Variants in SARNP observed in about 807,000 individuals in gnomAD.
SARNP encodes the protein SAP domain-containing ribonucleoprotein.
A neutral mutation model predicts 38.1 loss-of-function variants in SARNP; 5 were observed. The ratio of observed to expected loss-of-function variants is 0.13; its 90% confidence interval spans 0.07 to 0.28. The LOEUF is 0.28. Ranked by LOEUF, SARNP falls within the 10% of genes least tolerant of loss-of-function variation. The pLI is 1.00. For synonymous variants in SARNP, 84 were observed against 80.6 expected (o/e 1.04, Z -0.23); for missense variants, 180 against 243.9 (o/e 0.74, Z 1.75).
Position 55,790,585 on chromosome 12 carries a change from T to A in SARNP, c.414A>T (p.Ser138=). The A allele has an allele frequency of 6.5e-7, 1 of 1,546,638 alleles. No homozygotes were observed. Among genetic ancestry groups the A allele is most frequent in the African/African-American group, 1.4e-5 (1 of 72,432 alleles). The change falls in exon 8 of 11, where the codon TCA becomes TCT. Residue 138 remains serine, a synonymous_variant. Transcript: ENST00000336133. ...GISSVPTKGL[S]SDNKPMVNLD... ...TTCTTACCATAGGTTTGTTATCAGA[T>A]GACAGACCTAAGGAAGTAAATAAAG...
chr12:55,767,873 G>GAT (rs1878889356), intron 9 of SARNP, among the ~76,000 whole-genome samples: 3 of 137,170 alleles, frequency 2.2e-5, no homozygotes, highest in African/African-American at 6.0e-5. Context: ...AAAAAAAAAG[G>GAT]ATATACACAC....
At chr12:55,809,237 C>A (rs1003568864) in intron 1 of SARNP, among the ~76,000 whole-genome samples, 1 of 150,012 alleles carries the variant, frequency 6.7e-6, no homozygotes, top group Non-Finnish European at 1.5e-5. Context: ...AACAAGTATA[C>A]TGAATGAATT....
chr12:55,780,378 T>C (rs1879306714), intron 9 of SARNP, among the ~76,000 whole-genome samples: 1 of 150,892 alleles, frequency 6.6e-6, no homozygotes, highest in Non-Finnish European at 1.5e-5. Flanking sequence ...TGCTTGAACC[T>C]GGGAGGCAGA....
intron 9 of SARNP, among the ~76,000 whole-genome samples, chr12:55,771,801 G>A (rs1427394496): frequency 6.6e-6 from 1 of 152,162 alleles, no homozygotes; most frequent in Non-Finnish European, 1.5e-5. Flanking sequence ...GGAAAAGAGG[G>A]AGCCTGAATC....
chr12:55,798,772 A>T (rs1353869857), intron 4 of SARNP, among the ~76,000 whole-genome samples: 2 of 152,212 alleles, frequency 1.3e-5, no homozygotes, highest in African/African-American at 4.8e-5. Context: ...ATAACTAGTA[A>T]ATCTGGGTGA....
intron 5 of SARNP, 67 bp downstream of exon 5, chr12:55,795,958 G>GAT: frequency 9.1e-7 from 1 of 1,104,376 alleles, no homozygotes; most frequent in East Asian, 2.4e-5. Flanking sequence ...GGATGATGCA[G>GAT]ATATAATAAA....
chr12:55,803,576 C>CA, intron 2 of SARNP, 53 bp downstream of exon 2: 1 of 1,092,240 alleles, frequency 9.2e-7, no homozygotes, highest in Non-Finnish European at 1.3e-6. Flanking sequence ...TTTTCAGTGT[C>CA]AAAGCCTGAA....
chr12:55,811,168 T>C (rs371191101), intron 1 of SARNP, among the ~76,000 whole-genome samples: 1 of 152,296 alleles, frequency 6.6e-6, no homozygotes, highest in South Asian at 2.1e-4. Flanking sequence ...TTAGACCACC[T>C]ATAACATATA....
chr12:55,794,447 C>A, intron 6 of SARNP, 60 bp from the exon 7 acceptor site: 1 of 1,469,578 alleles, frequency 6.8e-7, no homozygotes, highest in South Asian at 1.2e-5. Context: ...GTTTGTCTGT[C>A]TCCGTGTCAA....
intron 6 of SARNP, 84 bp downstream of exon 6, chr12:55,794,723 A>T: frequency 1.2e-6 from 1 of 850,256 alleles, no homozygotes; most frequent in East Asian, 2.5e-5. Flanking sequence ...ACTTAAAATC[A>T]ACAATTATAC....
At chr12:55,777,415 C>T (rs936234385) in intron 9 of SARNP, among the ~76,000 whole-genome samples, 9 of 151,446 alleles carry the variant, frequency 5.9e-5, no homozygotes, top group African/African-American at 1.9e-4. Flanking sequence ...CGCTCTGTCG[C>T]CCAGGCTGGA....
intron 9 of SARNP, among the ~76,000 whole-genome samples, chr12:55,779,027 TAAAC>T (rs1436551844): frequency 3.9e-5 from 6 of 151,966 alleles, no homozygotes; most frequent in African/African-American, 7.3e-5. Context: ...CACAAAAAAC[TAAAC>T]AAACAAAAAA....
intron 4 of SARNP, among the ~76,000 whole-genome samples, chr12:55,799,076 A>AG (rs1371533707): frequency 3.9e-5 from 6 of 152,342 alleles, no homozygotes; most frequent in Non-Finnish European, 8.8e-5. Context: ...GTATCTATAT[A>AG]TACACATACA....
intron 1 of SARNP, among the ~76,000 whole-genome samples, chr12:55,811,126 T>G (rs978715891): frequency 2.6e-5 from 4 of 151,830 alleles, no homozygotes; most frequent in Admixed American, 2.6e-4. Context: ...TGTCAACATA[T>G]AGTTTGTAAA....
At chr12:55,814,782 T>C (rs1192380567) in intron 1 of SARNP, among the ~76,000 whole-genome samples, 1 of 151,990 alleles carries the variant, frequency 6.6e-6, no homozygotes, top group African/African-American at 2.4e-5. Flanking sequence ...GGCACGGGAA[T>C]TGCTTGAACC....
chr12:55,771,103 GT>G (rs1282708178), intron 9 of SARNP, among the ~76,000 whole-genome samples: 1 of 151,814 alleles, frequency 6.6e-6, no homozygotes, highest in African/African-American at 2.4e-5. Context: ...ACGCCTGGCT[GT>G]TTTTTGTTTG....
chr12:55,806,037 CAA>C (rs1192118341), intron 1 of SARNP, among the ~76,000 whole-genome samples: 1 of 107,710 alleles, frequency 9.3e-6, no homozygotes. Context: ...AATTCTGTCT[CAA>C]AAAAAAAAAA....
chr12:55,801,427 A>G (rs1879976258), intron 2 of SARNP, among the ~76,000 whole-genome samples: 1 of 152,186 alleles, frequency 6.6e-6, no homozygotes, highest in African/African-American at 2.4e-5. Context: ...TGGGTGACAG[A>G]GCAAGACCCA....
At chr12:55,786,262 A>G (rs56699787) in intron 9 of SARNP, among the ~76,000 whole-genome samples, 16,311 of 152,204 alleles carry the variant, frequency 0.11, 1,831 homozygotes, top group African/African-American at 0.28. Flanking sequence ...ATGGTGTTCA[A>G]TTTTGTAAAT....
Sources: allele counts gnomAD v4.1 joint callset (sites outside exome capture counted in the v4.1 genomes callset), GRCh38; gene constraint gnomAD v4.1.1; transcripts MANE v1.5; gene names NCBI Gene and HGNC (gene_info 2026-07-23, HGNC 2026-07-21).